The following DAB1 variants were observed in gnomAD, a reference collection of about 807,000 sequenced individuals.
The protein encoded by DAB1 is DAB adaptor protein 1.
A neutral mutation model predicts 64.6 loss-of-function variants in DAB1; 15 were observed. The observed-to-expected ratio is 0.23, with a 90% CI of 0.16 to 0.36. The LOEUF is 0.36. DAB1 is among the 10% of genes least tolerant of loss of function. DAB1 has a pLI of 1.00. For synonymous variants in DAB1, 235 were observed against 251.9 expected, an observed-to-expected ratio of 0.93 and a Z score of 0.64; for missense variants, 596 against 706.7, an observed-to-expected ratio of 0.84 and a Z score of 1.78.
chr1:57,400,974 A>G (rs1683193654), intron 1 of DAB1, among the ~76,000 whole-genome samples: 1 of 147,650 alleles, frequency 6.8e-6, no homozygotes. Flanking sequence ...CACCAGTGAG[A>G]AGGGTGAAAG....
chr1:57,171,077 A>G (rs2100924505), intron 2 of DAB1, among the ~76,000 whole-genome samples: 1 of 152,292 alleles, frequency 6.6e-6, no homozygotes, highest in East Asian at 1.9e-4. Context: ...CCCAGAGTCA[A>G]TGGATGCAGT....
At chr1:58,160,454 C>G (rs911360206) in intron 4 of DAB1, among the ~76,000 whole-genome samples, 2 of 152,060 alleles carry the variant, frequency 1.3e-5, no homozygotes, top group Non-Finnish European at 2.9e-5. Flanking sequence ...GTACAGAGGG[C>G]AATTAGGGAA....
chr1:57,072,413 G>T lies in DAB1; in HGVS notation c.308C>A (p.Ala103Asp), dbSNP rs758139028. The T allele has an allele frequency of 6.2e-7, 1 of 1,611,016 alleles. No homozygotes were observed. Among genetic ancestry groups the T allele is most frequent in the Admixed American group, 1.7e-5 (1 of 59,626 alleles). ...ATGAACAGCATGATGATGCTGAAGG[G>T]CCTATCAGAGAAAAAAAAGGAAGAA... ...GIKIFDEKTG[A>D]LQHHHAVHEI... Residue 103 changes from alanine (A) to aspartate (D), a missense_variant and splice_region_variant, in exon 5 of 15, where the codon GCC (alanine) becomes GAC (aspartate). Physicochemically the swap from Ala to Asp is moderately radical, Grantham distance 126 (BLOSUM62 -2). This residue lies in a region of DAB1 where 176 missense variants were observed against 266.7 expected (regional missense o/e 0.66). Transcript: ENST00000371236.
At chr1:58,232,643 GGAA>G (rs1382092002) in intron 4 of DAB1, among the ~76,000 whole-genome samples, 1 of 152,202 alleles carries the variant, frequency 6.6e-6, no homozygotes, top group Non-Finnish European at 1.5e-5. Flanking sequence ...TGGGAGCAGA[GGAA>G]GAAGAGACTT....
chr1:58,387,718 T>TTTC (rs1644444806), intron 3 of DAB1, among the ~76,000 whole-genome samples: 1 of 78,468 alleles, frequency 1.3e-5, no homozygotes, highest in African/African-American at 7.4e-5. Context: ...TTTTCTTTTC[T>TTTC]TTTCTTTTTT....
Position 57,846,192 on chromosome 1 carries a change from G to T in DAB1, n.88-19737C>A, listed in dbSNP as rs368995939. ...AAATTCAATGTGGCCAGGCATGGTG[G>T]CTCAAGCCTGTAATCCCAGCACTTT... On this transcript the variant is annotated intron_variant and non_coding_transcript_variant, in intron 1 of 1. Coordinates refer to the DAB1 transcript ENST00000477280. Among the ~76,000 whole-genome samples, 160 of 152,184 alleles carry T rather than the reference G, an allele frequency of 1.1e-3. 2 individuals are homozygous for T. The South Asian group carries it at 0.032, about 30-fold the overall frequency.
At chr1:57,706,352 C>A (rs1043449568) in intron 6 of DAB1, among the ~76,000 whole-genome samples, 34 of 151,664 alleles carry the variant, frequency 2.2e-4, no homozygotes, top group African/African-American at 8.2e-4. Flanking sequence ...GTTGTCCAGG[C>A]TGGAGTCCTG....
chr1:57,020,102 C>T (rs760277970), intron 11 of DAB1, among the ~76,000 whole-genome samples: 1 of 152,010 alleles, frequency 6.6e-6, no homozygotes, highest in South Asian at 2.1e-4. Context: ...AAGAACAAAA[C>T]AGTCACCAAA....
At chr1:57,179,195 C>G (rs1662652679) in intron 2 of DAB1, among the ~76,000 whole-genome samples, 1 of 152,120 alleles carries the variant, frequency 6.6e-6, no homozygotes, top group Admixed American at 6.6e-5. Context: ...GTCTACACAC[C>G]CTATTTAATG....
At chr1:58,144,759 A>G (rs1654497044) in intron 5 of DAB1, among the ~76,000 whole-genome samples, 1 of 152,188 alleles carries the variant, frequency 6.6e-6, no homozygotes, top group Non-Finnish European at 1.5e-5. Flanking sequence ...CAAGCAGCAG[A>G]GCCTGAATGA....
intron 7 of DAB1, among the ~76,000 whole-genome samples, chr1:57,581,697 C>A (rs71642128): frequency 2.2e-3 from 318 of 147,198 alleles, no homozygotes; most frequent in Non-Finnish European, 3.8e-3. Context: ...ATAACATATA[C>A]TATATAATAA....
intron 7 of DAB1, among the ~76,000 whole-genome samples, chr1:57,518,400 C>A (rs1448821981): frequency 2.6e-5 from 4 of 152,106 alleles, no homozygotes; most frequent in Non-Finnish European, 5.9e-5. Context: ...TTCAGAGATG[C>A]CTTCTCTGAC....
At chr1:57,213,519 T>A (rs1666191120) in intron 2 of DAB1, among the ~76,000 whole-genome samples, 2 of 152,150 alleles carry the variant, frequency 1.3e-5, no homozygotes, top group African/African-American at 4.8e-5. Context: ...ACACTTTCCC[T>A]ACAGTTCATC....
intron 2 of DAB1, among the ~76,000 whole-genome samples, chr1:57,176,701 C>T (rs1181320166): frequency 6.6e-6 from 1 of 151,998 alleles, no homozygotes; most frequent in Admixed American, 6.6e-5. Flanking sequence ...GGATTGAATG[C>T]TAAAGGTCTA....
chr1:57,828,339 C>T (rs530377207), intron 1 of DAB1, among the ~76,000 whole-genome samples: 7 of 152,300 alleles, frequency 4.6e-5, no homozygotes, highest in African/African-American at 1.4e-4. Context: ...AATCTGTGGA[C>T]ATCTGATTTT....
chr1:57,977,915 G>A (rs1387863047), intron 5 of DAB1, among the ~76,000 whole-genome samples: 2 of 152,038 alleles, frequency 1.3e-5, no homozygotes, highest in African/African-American at 4.8e-5. Flanking sequence ...AAATAAGAGA[G>A]GACACAAACA....
chr1:57,390,883 A>G (rs1322911528), intron 1 of DAB1, among the ~76,000 whole-genome samples: 3 of 152,184 alleles, frequency 2.0e-5, no homozygotes, highest in Admixed American at 2.0e-4. Flanking sequence ...GAAAACCCAA[A>G]TTCCTAGCTG....
intron 6 of DAB1, among the ~76,000 whole-genome samples, chr1:57,789,609 G>A (rs1557482055): frequency 6.6e-6 from 1 of 152,074 alleles, no homozygotes; most frequent in Non-Finnish European, 1.5e-5. Flanking sequence ...TCTTAGAAGG[G>A]GACTAACCTA....
At chr1:58,262,887 A>G (rs953373714) in intron 4 of DAB1, among the ~76,000 whole-genome samples, 1 of 152,180 alleles carries the variant, frequency 6.6e-6, no homozygotes, top group East Asian at 1.9e-4. Context: ...GACAATCTCA[A>G]TGTTCCTAAG....
Sources: allele counts gnomAD v4.1 joint callset (sites outside exome capture counted in the v4.1 genomes callset), GRCh38; gene constraint gnomAD v4.1.1; regional missense constraint gnomAD v4.1.1; transcripts MANE v1.5; gene names NCBI Gene and HGNC (gene_info 2026-07-23, HGNC 2026-07-21).